NHSL1: variants seen among roughly 807,000 people sequenced by gnomAD.
The protein encoded by NHSL1 is NHS-like protein 1.
In NHSL1, 48 loss-of-function variants were observed where a neutral mutation model predicts 95.0. The ratio of observed to expected loss-of-function variants is 0.51; its 90% CI spans 0.40 to 0.64. The LOEUF (loss-of-function observed/expected upper bound fraction) is 0.64. NHSL1 is among the 30% of genes least tolerant of loss of function. The pLI, the probability that NHSL1 is intolerant of heterozygous loss-of-function variation, is 0.00. For synonymous variants in NHSL1, 783 were observed against 833.9 expected (o/e 0.94, Z 1.05); for missense variants, 1,971 against 2,077.7 (o/e 0.95, Z 1.00).
intron 1 of NHSL1, among the ~76,000 whole-genome samples, chr6:138,688,301 C>A (rs867222881): frequency 0.022 from 3,279 of 151,940 alleles, 119 homozygotes; most frequent in African/African-American, 0.075. Flanking sequence ...AATTTTATTT[C>A]AACAAAACTA....
intron 3 of NHSL1, among the ~76,000 whole-genome samples, chr6:138,463,149 C>G (rs1164397491): frequency 6.6e-6 from 1 of 152,156 alleles, no homozygotes; most frequent in Non-Finnish European, 1.5e-5. Flanking sequence ...TCCCAGCCAC[C>G]CTTGGCTATC....
At chr6:138,425,377 G>A (rs1330859724) in intron 7 of NHSL1, among the ~76,000 whole-genome samples, 2 of 152,138 alleles carry the variant, frequency 1.3e-5, no homozygotes, top group Non-Finnish European at 2.9e-5. Flanking sequence ...GATTATAGGC[G>A]TGAGCCACTG....
upstream of NHSL1, chr6:138,545,712 C>T (rs1782765459): frequency 7.8e-7 from 1 of 1,279,498 alleles, no homozygotes; most frequent in Non-Finnish European, 1.0e-6. Flanking sequence ...AGCTGTCTCC[C>T]AGCCCACCTC....
intron 1 of NHSL1, among the ~76,000 whole-genome samples, chr6:138,656,929 C>G (rs1376471074): frequency 1.3e-5 from 2 of 152,178 alleles, no homozygotes; most frequent in Admixed American, 6.5e-5. Context: ...CACCTCATTA[C>G]ACATACGCAA....
intron 4 of NHSL1, among the ~76,000 whole-genome samples, chr6:138,443,485 A>G (rs144604387): frequency 1.5e-3 from 221 of 152,338 alleles, no homozygotes; most frequent in African/African-American, 5.1e-3. Context: ...CAGCAGAAGA[A>G]AAAACTTCCT....
chr6:138,475,644 T>A (rs1342052982), intron 2 of NHSL1, among the ~76,000 whole-genome samples: 1 of 152,046 alleles, frequency 6.6e-6, no homozygotes, highest in Admixed American at 6.6e-5. Context: ...CACTCAAGAA[T>A]GGCTACAATT....
intron 2 of NHSL1, among the ~76,000 whole-genome samples, chr6:138,479,555 G>T (rs979005598): frequency 6.6e-6 from 1 of 152,198 alleles, no homozygotes; most frequent in African/African-American, 2.4e-5. Flanking sequence ...GGAGGGGGCT[G>T]TTGTGAGATT....
intron 1 of NHSL1, among the ~76,000 whole-genome samples, chr6:138,508,286 C>T (rs757419116): frequency 2.8e-4 from 43 of 152,310 alleles, no homozygotes; most frequent in Non-Finnish European, 4.9e-4. Context: ...CGCTCTAGTG[C>T]ATGGCTGGGA....
At chr6:138,465,265 C>T (rs903401154) in intron 3 of NHSL1, among the ~76,000 whole-genome samples, 5 of 152,122 alleles carry the variant, frequency 3.3e-5, no homozygotes, top group African/African-American at 1.2e-4. Context: ...TCTTACTCCA[C>T]TCCCCACTTT....
intron 1 of NHSL1, among the ~76,000 whole-genome samples, chr6:138,621,954 T>G (rs1248356469): frequency 6.6e-6 from 1 of 152,150 alleles, no homozygotes; most frequent in Non-Finnish European, 1.5e-5. Flanking sequence ...TGCCTCAGCT[T>G]CAGCCTCTGC....
chr6:138,430,536 G>T lies in NHSL1; in HGVS notation c.3809C>A (p.Ser1270Tyr). The T allele has an allele frequency of 6.4e-7, 1 of 1,551,432 alleles. No homozygotes were observed. Among genetic ancestry groups the T allele is most frequent in the Non-Finnish European group, 8.7e-7 (1 of 1,146,834 alleles). ...TSVLEGGAAG[S>Y]MSPSRVEANV... ...GGCTTCCACTCTGCTGGGAGACATG[G>T]ATCCTGCAGCTCCTCCCTCAAGAAC... The change falls in exon 6 of 8, where the codon TCC becomes TAC. Residue 1270 changes from serine to tyrosine, a missense_variant. Ser to Tyr is a moderately radical substitution (Grantham distance 144). Coordinates refer to ENST00000343505, the MANE Select transcript of NHSL1 (RefSeq NM_001144060.2). This position sits in a 1 kb window ranked among gnomAD's most constrained non-coding sequence, Gnocchi z 4.7.
At chr6:138,589,925 C>T (rs1448331428) in intron 1 of NHSL1, among the ~76,000 whole-genome samples, 1 of 152,170 alleles carries the variant, frequency 6.6e-6, no homozygotes, top group Non-Finnish European at 1.5e-5. Context: ...AATGAAGACA[C>T]TGAATGTGCT....
rs1286767647 is a variant in NHSL1, at chr6:138,422,834, G to T, written c.*1247C>A. The T allele has an allele frequency of 6.6e-6, 1 of 152,044 alleles. No homozygotes were observed. Among genetic ancestry groups the T allele is most frequent in the East Asian group, 1.9e-4 (1 of 5,192 alleles). The allele number at this position is 152,044 out of a possible 1,614,324, so 9.4% of individuals were successfully genotyped here. On this transcript the variant is annotated 3_prime_UTR_variant, in exon 8 of 8. Coordinates refer to ENST00000343505, the MANE Select transcript of NHSL1 (RefSeq NM_001144060.2). Reference sequence around the variant, plus strand: ...TTAATCTAAAAATTCATTTCCCAGGGCTAATTGATAGCCAGGCCCTACCAA... The same window carrying T: ...TTAATCTAAAAATTCATTTCCCAGGTCTAATTGATAGCCAGGCCCTACCAA...
intron 1 of NHSL1, among the ~76,000 whole-genome samples, chr6:138,644,790 C>A (rs536880674): frequency 1.3e-5 from 2 of 152,140 alleles, no homozygotes; most frequent in Admixed American, 6.5e-5. Context: ...TGTTTTTACA[C>A]GGGTACATAT....
chr6:138,488,634 G>C (rs920474527), intron 2 of NHSL1, among the ~76,000 whole-genome samples: 3 of 152,126 alleles, frequency 2.0e-5, no homozygotes, highest in Admixed American at 1.3e-4. Flanking sequence ...GGGTGAGTGA[G>C]GAGACTTCAG....
At chr6:138,669,431 C>G (rs567503739) in intron 1 of NHSL1, among the ~76,000 whole-genome samples, 1 of 152,222 alleles carries the variant, frequency 6.6e-6, no homozygotes, top group South Asian at 2.1e-4. Flanking sequence ...GCCGAGTTCC[C>G]AAAGTGCAGG....
intron 2 of NHSL1, among the ~76,000 whole-genome samples, chr6:138,480,491 G>C (rs1400725660): frequency 6.6e-6 from 1 of 152,138 alleles, no homozygotes; most frequent in Non-Finnish European, 1.5e-5. Flanking sequence ...GGACCAGTTC[G>C]GTAGGCCAGT....
intron 1 of NHSL1, among the ~76,000 whole-genome samples, chr6:138,629,955 C>T (rs189511445): frequency 1.7e-4 from 26 of 152,262 alleles, no homozygotes; most frequent in Non-Finnish European, 2.4e-4. Flanking sequence ...AGTAGACAAA[C>T]CAAAGTTTTG....
In NHSL1 at chr6:138,668,686, G is replaced by A. The variant is rs189581062; in HGVS notation, c.96+23790C>T. On this transcript the variant is annotated intron_variant, in intron 1 of 3. Transcript: ENST00000491526. ...TGTAGCCAGGCTGGAGTGCAGTGGC[G>A]CAGTCTCGGCTCACTGCAACCTCCG... 3.9e-4 allele frequency among the ~76,000 whole-genome samples: 58 copies of A among 147,198 alleles called. 1 individual carries two copies. Among genetic ancestry groups the A allele is most frequent in the Admixed American group, 3.8e-3 (56 of 14,732 alleles).
Sources: gnomAD v4.1 joint callset for allele counts (sites outside exome capture counted in the v4.1 genomes callset) on GRCh38, gnomAD v4.1.1 for gene constraint, Gnocchi (gnomAD v3.1) non-coding constraint, MANE v1.5 for transcripts, NCBI Gene and HGNC (gene_info 2026-07-23, HGNC 2026-07-21) for gene names.